KCNAB2: variants seen among roughly 807,000 people sequenced by gnomAD.
KCNAB2 encodes the protein potassium voltage-gated channel subfamily A regulatory beta subunit 2, also known as voltage-gated potassium channel subunit beta-2.
In KCNAB2, 29 loss-of-function variants were observed where a neutral mutation model predicts 63.6. The observed-to-expected ratio is 0.46, with a 90% confidence interval of 0.34 to 0.62. The LOEUF is 0.62. Among genes scored for constraint, KCNAB2 ranks in the 20% least tolerant of loss-of-function variants. The pLI is 0.01. For missense variants in KCNAB2, 359 were observed against 563.9 expected (o/e 0.64, Z 3.68); for synonymous variants, 222 against 224.2 (o/e 0.99, Z 0.09).
Position 6,035,556 on chromosome 1 carries a change from G to C in KCNAB2, c.-53+762G>C, listed in dbSNP as rs1659968099. ...GGACGTGGGAGGAAGGGAGGAGTCG[G>C]GGTGACTCCCGGGAGTGGGACTGAC... On this transcript the variant is annotated intron_variant, in intron 1 of 15. Coordinates refer to the KCNAB2 transcript ENST00000164247. This position sits in a 1 kb window ranked among gnomAD's most constrained non-coding sequence, Gnocchi z 5.0. Among the ~76,000 whole-genome samples, 1 of 152,004 alleles carries C rather than the reference G, an allele frequency of 6.6e-6. No homozygotes were observed. The highest frequency in any genetic ancestry group is 2.4e-5 in the African/African-American group (1 of 41,380).
rs56202547 is a variant in KCNAB2 at position 6,017,406 on chromosome 1, C to CTGTGTGTGTGTGTGTGTG, written c.-52-23095_-52-23078dup. On this transcript the variant is annotated intron_variant, in intron 1 of 16. Transcript: ENST00000341524. ...CACAGGTGCACATCACCATACCTGG[C>CTGTGTGTGTGTGTGTGTG]TGTGTGTGTGTGTGTGTGTGTGTGT... Among the ~76,000 whole-genome samples the CTGTGTGTGTGTGTGTGTG allele has an allele frequency of 2.1e-3, 313 of 147,290 alleles. 1 individual carries two copies. The highest frequency in any genetic ancestry group is 7.7e-3 in the African/African-American group (304 of 39,600).
At chr1:6,061,151 CA>C (rs1463572512) in intron 2 of KCNAB2, among the ~76,000 whole-genome samples, 1 of 152,258 alleles carries the variant, frequency 6.6e-6, no homozygotes, top group East Asian at 1.9e-4. Flanking sequence ...TCCAGGGACA[CA>C]GAGCAGAGCT....
chr1:6,028,551 A>G lies in KCNAB2; in HGVS notation c.-52-11966A>G, dbSNP rs1017763292. On this transcript the variant is annotated intron_variant, in intron 1 of 16. Transcript: ENST00000341524. The surrounding 1 kb of genome is among the most constrained non-coding windows in gnomAD (Gnocchi z 4.0). ...AGCCCAGAACAGCCCCCCTCTCTCC[A>G]TCCCTTCTGCGATGTTCACTAGGCA... is the stretch of plus-strand genomic sequence containing the variant. 6.6e-6 allele frequency among the ~76,000 whole-genome samples: 1 copy of G among 152,118 alleles called. No homozygotes were observed. The highest frequency in any genetic ancestry group is 1.5e-5 in the Non-Finnish European group (1 of 68,024).
At position 6,096,364 on chromosome 1, in the gene KCNAB2, C is replaced by T. The variant is rs1026483519; in HGVS notation, c.949-272C>T. 25 of 535,928 alleles carry T rather than the reference C, an allele frequency of 4.7e-5. No individual in the cohort carries two copies. The highest frequency in any genetic ancestry group is 1.3e-5 in the Non-Finnish European group (4 of 296,324). The allele number at this position is 535,928 out of a possible 1,614,324, so 33.2% of individuals were successfully genotyped here. On this transcript the variant is annotated intron_variant, in intron 13 of 15. Coordinates refer to ENST00000378083, the MANE Select transcript of KCNAB2 (RefSeq NM_001199862.2). The surrounding 1 kb of genome is among the most constrained non-coding windows in gnomAD (Gnocchi z 5.9). ...AGAAGGAAGGCCAGCACCTCGCCTC[C>T]TTGTCCTGACTTGGGGTTGGGCCAG...
intron 15 of KCNAB2, 98 bp downstream of exon 15, chr1:6,097,455 TAGGCACTC>T (rs1367733571): frequency 6.5e-7 from 1 of 1,540,644 alleles, no homozygotes; most frequent in Non-Finnish European, 8.7e-7. Flanking sequence ...GGCTCTGTTC[TAGGCACTC>T]AGGATGCGCC....
At chr1:6,033,018 T>G (rs527485338), upstream of KCNAB2, among the ~76,000 whole-genome samples, 1 of 152,334 alleles carries the variant, frequency 6.6e-6, no homozygotes, top group Non-Finnish European at 1.5e-5. Context: ...GGAGTTATTT[T>G]TGGAATAATT....
intron 1 of KCNAB2, among the ~76,000 whole-genome samples, chr1:6,015,696 T>C (rs191321295): frequency 2.0e-3 from 306 of 152,218 alleles, no homozygotes; most frequent in African/African-American, 7.1e-3. Context: ...GTTGATTGGT[T>C]GGTTGGTTGG....
intron 10 of KCNAB2, among the ~76,000 whole-genome samples, chr1:6,093,276 C>G (rs1400662707): frequency 6.6e-6 from 1 of 152,266 alleles, no homozygotes. Flanking sequence ...CACTCCCACA[C>G]TGCCTTTGGC....
chr1:5,997,372 TGGTCTGCA>T (rs1217379948), intron 1 of KCNAB2, among the ~76,000 whole-genome samples: 2 of 152,084 alleles, frequency 1.3e-5, no homozygotes, highest in African/African-American at 4.8e-5. Context: ...CCCGTTGCCC[TGGTCTGCA>T]GGGAATAGCC....
intron 15 of KCNAB2, 44 bp from the exon 16 acceptor site, chr1:6,098,441 G>C (rs747914024): frequency 1.2e-6 from 2 of 1,610,632 alleles, no homozygotes; most frequent in Admixed American, 3.4e-5. Flanking sequence ...GGCCAGGCCC[G>C]TCTTGTTGGT....
intron 2 of KCNAB2, 95 bp from the exon 3 acceptor site, chr1:6,072,660 G>C: frequency 1.5e-6 from 2 of 1,326,216 alleles, no homozygotes. Flanking sequence ...TTGACTGTTG[G>C]GGGAGTGGGT....
At position 6,087,330 on chromosome 1, in the gene KCNAB2, G is replaced by T; in HGVS notation, c.426-137G>T. 1 of 899,758 alleles carries T rather than the reference G, an allele frequency of 1.1e-6. No homozygotes were observed. The allele number at this position is 899,758 out of a possible 1,614,324, so 55.7% of individuals were successfully genotyped here. Reference sequence around the variant, plus strand: ...GTGGTACACATCATATGATGGAGAAGTGCCCATTTCATGCCCCAGGCTCCT... The same window carrying T: ...GTGGTACACATCATATGATGGAGAATTGCCCATTTCATGCCCCAGGCTCCT... On this transcript the variant is annotated intron_variant, in intron 6 of 15. Coordinates refer to ENST00000378083, the MANE Select transcript of KCNAB2 (RefSeq NM_001199862.2). The surrounding 1 kb of genome is among the most constrained non-coding windows in gnomAD (Gnocchi z 6.4).
rs118103842 is a variant in KCNAB2 at position 6,027,033 on chromosome 1, G to A, written c.-52-13484G>A. On this transcript the variant is annotated intron_variant, in intron 1 of 16. Coordinates refer to the KCNAB2 transcript ENST00000341524. ...AGTGGTGGGGGATAAAGACCCCTCA[G>A]AACACTTCCCCACCCTGCAACCCCT... Among the ~76,000 whole-genome samples, 353 of 152,308 alleles carry A rather than the reference G, an allele frequency of 2.3e-3. 11 individuals carry two copies. The East Asian group carries it at 0.064, about 28-fold the overall frequency.
rs570575013 is a variant in KCNAB2 at position 6,072,056 on chromosome 1, CATG to C, written c.219-695_219-693del. ...CCCTCCTTCACCTCCTAAGGACAGTCATGATGGCCCAAGGCCTGTTCCTGTGGA... is the reference window on the plus strand; with the variant it reads ...CCCTCCTTCACCTCCTAAGGACAGTCATGGCCCAAGGCCTGTTCCTGTGGA... On this transcript the variant is annotated intron_variant, in intron 2 of 15. Coordinates refer to ENST00000378083, the MANE Select transcript of KCNAB2 (RefSeq NM_001199862.2). Among the ~76,000 whole-genome samples the C allele has an allele frequency of 3.9e-5, 6 of 152,228 alleles. No individual in the cohort carries two copies. In the South Asian group the frequency reaches 1.2e-3, roughly 31 times the overall value.
chr1:6,076,811 A>G (rs1470110070), intron 4 of KCNAB2, among the ~76,000 whole-genome samples: 1 of 152,184 alleles, frequency 6.6e-6, no homozygotes, highest in Non-Finnish European at 1.5e-5. Context: ...GGACCCAGAT[A>G]CTGGAAGGAA....
intron 1 of KCNAB2, among the ~76,000 whole-genome samples, chr1:6,018,388 C>T (rs963973964): frequency 2.0e-5 from 3 of 152,124 alleles, no homozygotes; most frequent in African/African-American, 4.8e-5. Context: ...GTTTCTGTCC[C>T]CCAAGATTGA....
chr1:6,009,863 T>G (rs1264519946), intron 1 of KCNAB2, among the ~76,000 whole-genome samples: 1 of 142,712 alleles, frequency 7.0e-6, no homozygotes, highest in Non-Finnish European at 1.5e-5. Flanking sequence ...GCTATTTCTT[T>G]TCTTTTTTTC....
intron 1 of KCNAB2, among the ~76,000 whole-genome samples, chr1:5,993,551 T>C (rs1656708929): frequency 6.6e-6 from 1 of 152,234 alleles, no homozygotes; most frequent in Admixed American, 6.5e-5. Flanking sequence ...ACCCCACTGC[T>C]GCACCGCGTC....
intron 10 of KCNAB2, among the ~76,000 whole-genome samples, chr1:6,091,654 G>A (rs558230592): frequency 1.3e-5 from 2 of 152,116 alleles, no homozygotes; most frequent in Non-Finnish European, 2.9e-5. Context: ...CCATGGGAAG[G>A]GTTGGGGAAG....
Sources: allele counts gnomAD v4.1 joint callset (sites outside exome capture counted in the v4.1 genomes callset), GRCh38; gene constraint gnomAD v4.1.1; non-coding constraint Gnocchi (gnomAD v3.1); transcripts MANE v1.5; gene names NCBI Gene and HGNC (gene_info 2026-07-23, HGNC 2026-07-21).